Variants in CTNNA2 observed in about 807,000 individuals in gnomAD.
CTNNA2 encodes catenin alpha-2.
In CTNNA2, 42 loss-of-function variants were observed where a neutral mutation model predicts 101.0. The observed-to-expected ratio is 0.42, with a 90% CI of 0.32 to 0.54. The LOEUF (loss-of-function observed/expected upper bound fraction) is 0.54. CTNNA2 is among the 20% of genes least tolerant of loss of function. The pLI is 0.14. For synonymous variants in CTNNA2, 450 were observed against 456.4 expected (o/e 0.99, Z 0.18); for missense variants, 871 against 1,223.1 (o/e 0.71, Z 4.29).
In CTNNA2 at chr2:79,829,360, T is replaced by TACACACACACAC. The variant is rs55934940; in HGVS notation, c.299-28609_299-28598dup. ...GGTGAAACCCCGTCTCAACTAAAAC[T>TACACACACACAC]ACACACACACACACACACACACACA... On this transcript the variant is annotated intron_variant, in intron 3 of 18. Transcript: ENST00000402739. Among the ~76,000 whole-genome samples, 495 of 113,190 alleles carry TACACACACACAC rather than the reference T, an allele frequency of 4.4e-3. 6 individuals are homozygous for TACACACACACAC. The highest frequency in any genetic ancestry group is 9.6e-3 in the African/African-American group (271 of 28,322). 74.3% of individuals were successfully genotyped at this position (113,190 alleles called of 152,430 possible).
At chr2:79,844,969 GA>G (rs1394583655) in intron 3 of CTNNA2, among the ~76,000 whole-genome samples, 3 of 40,656 alleles carry the variant, frequency 7.4e-5, no homozygotes, top group Non-Finnish European at 1.6e-4. Context: ...GATAAAGAAT[GA>G]AAACAAACTA....
intron 7 of CTNNA2, among the ~76,000 whole-genome samples, chr2:79,963,734 A>C (rs941734523): frequency 2.4e-4 from 37 of 152,202 alleles, no homozygotes; most frequent in African/African-American, 8.9e-4. Context: ...CTTTGCCACA[A>C]AATGTCCGTT....
chr2:80,041,940 AGTGTTTTTTCT>A (rs1377789224), intron 7 of CTNNA2, among the ~76,000 whole-genome samples: 1 of 151,988 alleles, frequency 6.6e-6, no homozygotes. Flanking sequence ...TCTAGTAGCT[AGTGTTTTTTCT>A]GTGTTTTTTT....
chr2:80,314,382 A>G (rs962650337), intron 7 of CTNNA2, among the ~76,000 whole-genome samples: 3 of 152,194 alleles, frequency 2.0e-5, no homozygotes, highest in Non-Finnish European at 2.9e-5. Flanking sequence ...CAGAGCCTCT[A>G]AGTGATGATT....
chr2:79,855,329 G>T (rs1326554476), intron 3 of CTNNA2, among the ~76,000 whole-genome samples: 1 of 152,080 alleles, frequency 6.6e-6, no homozygotes, highest in Admixed American at 6.6e-5. Flanking sequence ...TAAGATCTCT[G>T]CACTGACACG....
intron 7 of CTNNA2, among the ~76,000 whole-genome samples, chr2:80,183,801 T>G (rs570483068): frequency 6.6e-6 from 1 of 152,278 alleles, no homozygotes; most frequent in African/African-American, 2.4e-5. Flanking sequence ...TCACTTAACT[T>G]TTTAGATATC....
intron 2 of CTNNA2, among the ~76,000 whole-genome samples, chr2:79,252,831 T>C (rs1674790798): frequency 6.6e-6 from 1 of 151,732 alleles, no homozygotes; most frequent in South Asian, 2.1e-4. Context: ...TTTTTTTTAG[T>C]GGACTTTAAT....
intron 1 of CTNNA2, among the ~76,000 whole-genome samples, chr2:79,595,172 C>T (rs1022959970): frequency 2.0e-4 from 30 of 152,298 alleles, no homozygotes; most frequent in African/African-American, 7.0e-4. Flanking sequence ...CACTCTCACC[C>T]GGTTCTGCAC....
intron 7 of CTNNA2, among the ~76,000 whole-genome samples, chr2:80,291,612 C>T (rs935693590): frequency 6.6e-5 from 10 of 152,100 alleles, no homozygotes; most frequent in African/African-American, 2.4e-4. Context: ...GCTTAGTGTC[C>T]CAGGGGCCAG....
intron 4 of CTNNA2, among the ~76,000 whole-genome samples, chr2:79,480,837 T>C (rs1671101893): frequency 6.6e-6 from 1 of 152,186 alleles, no homozygotes; most frequent in African/African-American, 2.4e-5. Context: ...ACGTTTTCCG[T>C]GGTTTGCATC....
chr2:79,561,422 C>A (rs1384053834), intron 1 of CTNNA2, among the ~76,000 whole-genome samples: 1 of 151,796 alleles, frequency 6.6e-6, no homozygotes, highest in Non-Finnish European at 1.5e-5. Flanking sequence ...CATATGTTTT[C>A]ATTTCTCTTG....
At chr2:80,065,148 C>A (rs1697892484) in intron 7 of CTNNA2, among the ~76,000 whole-genome samples, 3 of 151,892 alleles carry the variant, frequency 2.0e-5, no homozygotes, top group African/African-American at 7.3e-5. Flanking sequence ...TGAATAGACC[C>A]ATGGAAAACT....
At chr2:79,189,595 A>C (rs1673825359) in intron 1 of CTNNA2, among the ~76,000 whole-genome samples, 1 of 152,200 alleles carries the variant, frequency 6.6e-6, no homozygotes, top group Non-Finnish European at 1.5e-5. Flanking sequence ...AAAAGGCAGG[A>C]GAGTTTTCAG....
intron 2 of CTNNA2, among the ~76,000 whole-genome samples, chr2:79,655,080 TAA>T (rs2104495098): frequency 6.6e-6 from 1 of 152,276 alleles, no homozygotes; most frequent in South Asian, 2.1e-4. Context: ...ATTGGAATAA[TAA>T]AAATGTAGCC....
chr2:80,108,992 A>T (rs748639513), intron 7 of CTNNA2, among the ~76,000 whole-genome samples: 20 of 152,180 alleles, frequency 1.3e-4, no homozygotes, highest in Non-Finnish European at 2.5e-4. Flanking sequence ...GAATTATCTG[A>T]CATACCTCAT....
chr2:79,882,138 A>C (rs1278170197), intron 6 of CTNNA2, among the ~76,000 whole-genome samples: 1 of 152,140 alleles, frequency 6.6e-6, no homozygotes, highest in Admixed American at 6.6e-5. Flanking sequence ...TTAGACCCCA[A>C]GCTCTTCTGG....
chr2:79,741,676 G>A (rs1671295884), intron 2 of CTNNA2, among the ~76,000 whole-genome samples: 1 of 151,760 alleles, frequency 6.6e-6, no homozygotes, highest in Non-Finnish European at 1.5e-5. Context: ...CTTCCTTTAG[G>A]TTTTTATTGT....
intron 3 of CTNNA2, among the ~76,000 whole-genome samples, chr2:79,803,628 C>G (rs1405164413): frequency 6.6e-6 from 1 of 152,366 alleles, no homozygotes; most frequent in East Asian, 1.9e-4. Context: ...CCACAACCTT[C>G]CAGTGCTGGT....
intron 2 of CTNNA2, among the ~76,000 whole-genome samples, chr2:79,674,899 A>G (rs189027759): frequency 1.3e-5 from 2 of 152,342 alleles, no homozygotes; most frequent in East Asian, 1.9e-4. Context: ...CTCATCTAAA[A>G]TGAGCACAGG....
Sources: gnomAD v4.1 joint callset for allele counts (sites outside exome capture counted in the v4.1 genomes callset) on GRCh38, gnomAD v4.1.1 for gene constraint, MANE v1.5 for transcripts, NCBI Gene and HGNC (gene_info 2026-07-23, HGNC 2026-07-21) for gene names.